The following RIMBP2 variants were observed in gnomAD, a reference collection of about 807,000 sequenced individuals.
The protein encoded by RIMBP2 is RIMS binding protein 2, also known as RIMS-binding protein 2.
RIMBP2 carries 48 observed loss-of-function variants against 118.6 expected under a neutral mutation model. The observed-to-expected ratio is 0.40, with a 90% CI of 0.32 to 0.51. The LOEUF (loss-of-function observed/expected upper bound fraction) is 0.51, where lower values mean the gene tolerates loss of function less well. Among genes scored for constraint, RIMBP2 ranks in the 20% least tolerant of loss-of-function variants. RIMBP2 has a pLI of 0.41. For missense variants in RIMBP2, 1,551 were observed against 1,768.3 expected (o/e 0.88, Z 2.20); for synonymous variants, 762 against 742.9 (o/e 1.03, Z -0.42).
intron 2 of RIMBP2, among the ~76,000 whole-genome samples, chr12:130,559,945 G>A (rs1335522970): frequency 6.6e-6 from 1 of 152,214 alleles, no homozygotes; most frequent in Non-Finnish European, 1.5e-5. Context: ...CTGCACCCAT[G>A]AGGCATTTGC....
intron 1 of RIMBP2, among the ~76,000 whole-genome samples, chr12:130,687,293 G>A (rs1304381468): frequency 6.6e-6 from 1 of 152,172 alleles, no homozygotes; most frequent in Non-Finnish European, 1.5e-5. Context: ...CCCGAAAGAT[G>A]TATAAGTAAA....
chr12:130,441,903 C>A lies in RIMBP2; in HGVS notation c.1449G>T (p.Pro483=). ...CCTCCTTCTTCTCCCTTTGCTCCAG[C>A]GGGAGCTGCCACGGCATCTGGTGGG... ...AKPHQMPWQL[P]LEQREKKEAF... Residue 483 remains proline, a synonymous_variant, in exon 11 of 23, where the codon CCG becomes CCT. Coordinates refer to ENST00000690449, the MANE Select transcript of RIMBP2 (RefSeq NM_001393629.1). 1 of 1,613,836 alleles carries A rather than the reference C, an allele frequency of 6.2e-7. No individual in the cohort carries two copies. Among genetic ancestry groups the A allele is most frequent in the Non-Finnish European group, 8.5e-7 (1 of 1,180,038 alleles).
At chr12:130,635,104 A>C (rs1448282803) in intron 1 of RIMBP2, among the ~76,000 whole-genome samples, 2 of 152,140 alleles carry the variant, frequency 1.3e-5, no homozygotes, top group Non-Finnish European at 2.9e-5. Context: ...TTCTCCTTCC[A>C]GGGTTTCTTG....
intron 7 of RIMBP2, among the ~76,000 whole-genome samples, chr12:130,453,568 G>A (rs886611812): frequency 1.3e-5 from 2 of 152,240 alleles, no homozygotes; most frequent in African/African-American, 4.8e-5. Context: ...GCTACGTGGA[G>A]TAACCCAGGC....
chr12:130,404,236 A>G (rs539353814), intron 21 of RIMBP2, among the ~76,000 whole-genome samples: 1 of 152,330 alleles, frequency 6.6e-6, no homozygotes, highest in African/African-American at 2.4e-5. Context: ...CATGTTTTCT[A>G]AATAACAGTG....
At chr12:130,438,337 C>CGGGGG in intron 12 of RIMBP2, 28 bp downstream of exon 12, 2 of 1,214,098 alleles carry the variant, frequency 1.6e-6, no homozygotes, top group Non-Finnish European at 2.4e-6. Flanking sequence ...CCTAACAAAC[C>CGGGGG]CTCCCCACCC....
rs1350586490 is a variant in RIMBP2 at position 130,450,169 on chromosome 12, G to C, written c.581+31C>G. ...ACATCTCATCTGCCCCACTCACAGG[G>C]GCTCGGTGGACGCCGAGGGGCCGCA... On this transcript the variant is annotated intron_variant, in intron 9 of 22. Coordinates refer to ENST00000690449, the MANE Select transcript of RIMBP2 (RefSeq NM_001393629.1). The surrounding 1 kb of genome is among the most constrained non-coding windows in gnomAD (Gnocchi z 4.8). 3.3e-6 allele frequency: 5 copies of C among 1,493,700 alleles called. No individual in the cohort carries two copies. Among genetic ancestry groups the C allele is most frequent in the Non-Finnish European group, 4.6e-6 (5 of 1,081,758 alleles). 92.5% of individuals were successfully genotyped at this position (1,493,700 alleles called of 1,614,324 possible). A position where few individuals can be genotyped will look rare whatever the true frequency, so the allele number is the denominator to read the frequency against.
At chr12:130,461,802 AG>A in intron 6 of RIMBP2, among the ~76,000 whole-genome samples, 1 of 152,156 alleles carries the variant, frequency 6.6e-6, no homozygotes, top group East Asian at 1.9e-4. Context: ...AAGTTTCCCA[AG>A]GCCTCCCCAG....
At chr12:130,572,130 A>G (rs897699918) in intron 2 of RIMBP2, among the ~76,000 whole-genome samples, 3 of 152,234 alleles carry the variant, frequency 2.0e-5, no homozygotes, top group South Asian at 2.1e-4. Context: ...TGCGTGAAAC[A>G]GCATGGCCAG....
chr12:130,506,743 G>A lies in RIMBP2; in HGVS notation c.-99C>T. 1.0e-6 allele frequency: 1 copy of A among 985,708 alleles called. No homozygotes were observed. Among genetic ancestry groups the A allele is most frequent in the Non-Finnish European group, 1.2e-6 (1 of 829,954 alleles). 61.1% of individuals were successfully genotyped at this position (985,708 alleles called of 1,614,324 possible). A position where few individuals can be genotyped will look rare whatever the true frequency, so the allele number is the denominator to read the frequency against. On this transcript the variant is annotated 5_prime_UTR_variant, in exon 4 of 23. Transcript: ENST00000690449. ...TCTCTGGTCACGAGGGTGAGCGGAT[G>A]GTTGAGATGCACATACTCTGCCTTC...
chr12:130,650,576 C>T (rs2136269225), intron 1 of RIMBP2, among the ~76,000 whole-genome samples: 1 of 152,338 alleles, frequency 6.6e-6, no homozygotes, highest in East Asian at 1.9e-4. Flanking sequence ...CGGATGGGTC[C>T]CCAGAGCATG....
At chr12:130,577,758 G>A (rs2058188832) in intron 2 of RIMBP2, among the ~76,000 whole-genome samples, 2 of 151,978 alleles carry the variant, frequency 1.3e-5, no homozygotes, top group African/African-American at 2.4e-5. Flanking sequence ...ATGCCTTTAT[G>A]GTGCAATAAA....
intron 2 of RIMBP2, among the ~76,000 whole-genome samples, chr12:130,614,644 CAG>C (rs2060784102): frequency 6.6e-6 from 1 of 151,988 alleles, no homozygotes; most frequent in African/African-American, 2.4e-5. Context: ...TTTAGCATAG[CAG>C]TGACGGGGCA....
intron 11 of RIMBP2, among the ~76,000 whole-genome samples, chr12:130,440,099 T>C (rs1238079009): frequency 7.0e-6 from 1 of 142,418 alleles, no homozygotes; most frequent in Non-Finnish European, 1.5e-5. Flanking sequence ...TGCACCACCG[T>C]CCCCGGGCAT....
At chr12:130,550,277 T>C (rs1187946391) in intron 2 of RIMBP2, among the ~76,000 whole-genome samples, 1 of 152,198 alleles carries the variant, frequency 6.6e-6, no homozygotes, top group African/African-American at 2.4e-5. Context: ...ACCTACAACT[T>C]GCTCCACCCA....
intron 2 of RIMBP2, among the ~76,000 whole-genome samples, chr12:130,550,867 ATTTATGGACT>A (rs1485238797): frequency 6.6e-6 from 1 of 152,230 alleles, no homozygotes; most frequent in African/African-American, 2.4e-5. Context: ...TTAAAATGAC[ATTTATGGACT>A]GTAAGTGACT....
At chr12:130,580,716 G>A (rs2058414378) in intron 2 of RIMBP2, among the ~76,000 whole-genome samples, 1 of 152,198 alleles carries the variant, frequency 6.6e-6, no homozygotes, top group Non-Finnish European at 1.5e-5. Context: ...GGGGCAGGCA[G>A]ATCACTTGGG....
intron 18 of RIMBP2, among the ~76,000 whole-genome samples, chr12:130,413,748 C>T (rs1284729361): frequency 1.3e-5 from 2 of 151,978 alleles, no homozygotes; most frequent in African/African-American, 4.8e-5. Flanking sequence ...GCTGATGCTC[C>T]CTTCTTCCCT....
chr12:130,482,067 G>A (rs2082062918), intron 4 of RIMBP2, among the ~76,000 whole-genome samples: 1 of 152,098 alleles, frequency 6.6e-6, no homozygotes, highest in African/African-American at 2.4e-5. Flanking sequence ...GGGGATGCAG[G>A]GGATTCCCCG....
Sources: gnomAD v4.1 joint callset for allele counts (sites outside exome capture counted in the v4.1 genomes callset) on GRCh38, gnomAD v4.1.1 for gene constraint, Gnocchi (gnomAD v3.1) non-coding constraint, MANE v1.5 for transcripts, NCBI Gene and HGNC (gene_info 2026-07-23, HGNC 2026-07-21) for gene names.